The following CACNA1E variants were observed in gnomAD, a reference collection of about 807,000 sequenced individuals.
CACNA1E encodes the protein voltage-dependent R-type calcium channel subunit alpha-1E.
CACNA1E carries 40 observed loss-of-function variants against 259.2 expected under a neutral mutation model. That is an observed-to-expected ratio of 0.15 (90% CI 0.12 to 0.20). The LOEUF is 0.20. Among genes scored for constraint, CACNA1E ranks in the 10% least tolerant of loss-of-function variants. The pLI is 1.00. For missense variants in CACNA1E, 1,874 were observed against 3,040.1 expected (o/e 0.62, Z 9.02); for synonymous variants, 1,104 against 1,138.5 (o/e 0.97, Z 0.61).
At chr1:181,665,765 A>G (rs1371553527) in intron 7 of CACNA1E, among the ~76,000 whole-genome samples, 2 of 152,116 alleles carry the variant, frequency 1.3e-5, no homozygotes. Context: ...ATAAAAACAA[A>G]TGAAAAAAAT....
At chr1:181,553,700 T>G (rs903963812) in intron 3 of CACNA1E, among the ~76,000 whole-genome samples, 1 of 152,016 alleles carries the variant, frequency 6.6e-6, no homozygotes, top group Admixed American at 6.6e-5. Flanking sequence ...TTATTGAGAG[T>G]TTTTAGCATG....
chr1:181,579,273 A>T (rs138014958), intron 5 of CACNA1E, 49 bp downstream of exon 5: 3 of 1,493,618 alleles, frequency 2.0e-6, no homozygotes, highest in Non-Finnish European at 2.7e-6. Context: ...CCCCTCTGTT[A>T]ACTGGGGTAA....
chr1:181,560,552 T>G (rs1649218528), intron 3 of CACNA1E, among the ~76,000 whole-genome samples: 1 of 152,214 alleles, frequency 6.6e-6, no homozygotes, highest in African/African-American at 2.4e-5. Flanking sequence ...TAAAAGGCTG[T>G]GTAATATTCC....
At chr1:181,375,067 A>G (rs1286581681) in intron 1 of CACNA1E, among the ~76,000 whole-genome samples, 1 of 152,218 alleles carries the variant, frequency 6.6e-6, no homozygotes, top group Non-Finnish European at 1.5e-5. Flanking sequence ...ATGTCTTCTC[A>G]GTTATGAAGT....
chr1:181,495,939 T>C (rs1664707528), intron 1 of CACNA1E, among the ~76,000 whole-genome samples: 2 of 152,204 alleles, frequency 1.3e-5, no homozygotes, highest in Admixed American at 6.5e-5. Flanking sequence ...CCTACAGAGA[T>C]AGGCATTCTT....
intron 30 of CACNA1E, 27 bp downstream of exon 30, chr1:181,757,153 A>T: frequency 6.5e-7 from 1 of 1,532,706 alleles, no homozygotes; most frequent in Middle Eastern, 1.7e-4. Context: ...TAAAGTGGGG[A>T]GCAGCAGAGG....
chr1:181,517,930 A>C (rs1666714134), intron 3 of CACNA1E, among the ~76,000 whole-genome samples: 1 of 152,136 alleles, frequency 6.6e-6, no homozygotes, highest in Admixed American at 6.5e-5. Context: ...TCAGGCCCCC[A>C]GCCCAATTTG....
chr1:181,531,334 A>G (rs553869982), intron 3 of CACNA1E, among the ~76,000 whole-genome samples: 1 of 152,238 alleles, frequency 6.6e-6, no homozygotes, highest in South Asian at 2.1e-4. Flanking sequence ...CCCACTTAGC[A>G]CTTATCTGCA....
intron 3 of CACNA1E, among the ~76,000 whole-genome samples, chr1:181,513,097 G>T (rs1666286576): frequency 6.6e-6 from 1 of 152,088 alleles, no homozygotes; most frequent in South Asian, 2.1e-4. Context: ...TCTTGGTCCT[G>T]CTCAGCTCTA....
At chr1:181,482,530 A>G (rs553830657), upstream of CACNA1E, among the ~76,000 whole-genome samples, 1 of 152,338 alleles carries the variant, frequency 6.6e-6, no homozygotes, top group Non-Finnish European at 1.5e-5. Flanking sequence ...ACCTTCCAGG[A>G]ACCTCCAGCC....
chr1:181,765,212 C>A (rs1658918661), intron 34 of CACNA1E, among the ~76,000 whole-genome samples: 1 of 152,100 alleles, frequency 6.6e-6, no homozygotes, highest in Non-Finnish European at 1.5e-5. Context: ...TAGAGTTCTT[C>A]CCTCTTTTCC....
At chr1:181,530,072 G>A (rs1407760977) in intron 3 of CACNA1E, among the ~76,000 whole-genome samples, 2 of 152,198 alleles carry the variant, frequency 1.3e-5, no homozygotes, top group Non-Finnish European at 2.9e-5. Flanking sequence ...CATGTTGTGG[G>A]AGGGACCCAG....
upstream of CACNA1E, among the ~76,000 whole-genome samples, chr1:181,479,343 C>A (rs555494214): frequency 6.6e-6 from 1 of 152,280 alleles, no homozygotes; most frequent in South Asian, 2.1e-4. Flanking sequence ...GTAGATGGTG[C>A]TCTGACAACA....
At chr1:181,583,352 C>T (rs1173643894) in intron 6 of CACNA1E, among the ~76,000 whole-genome samples, 1 of 152,074 alleles carries the variant, frequency 6.6e-6, no homozygotes, top group Non-Finnish European at 1.5e-5. Flanking sequence ...CTGGGAAGGC[C>T]CAGTTCACCC....
intron 6 of CACNA1E, among the ~76,000 whole-genome samples, chr1:181,587,070 C>A (rs186219662): frequency 6.6e-6 from 1 of 152,202 alleles, no homozygotes; most frequent in East Asian, 1.9e-4. Context: ...ATCATCCATT[C>A]ATAGTACTAG....
chr1:181,718,374 T>C (rs1334945435), intron 12 of CACNA1E, among the ~76,000 whole-genome samples: 1 of 152,180 alleles, frequency 6.6e-6, no homozygotes, highest in East Asian at 1.9e-4. Context: ...TGATTTTCAA[T>C]ATTTTTATTA....
intron 6 of CACNA1E, among the ~76,000 whole-genome samples, chr1:181,646,118 G>A (rs1658241529): frequency 6.6e-6 from 1 of 152,212 alleles, no homozygotes; most frequent in African/African-American, 2.4e-5. Context: ...AGAGATGAAT[G>A]GCCTGGCTTT....
chr1:181,736,234 G>A, intron 21 of CACNA1E, 41 bp from the exon 22 acceptor site: 5 of 1,545,386 alleles, frequency 3.2e-6, no homozygotes, highest in Non-Finnish European at 4.4e-6. Flanking sequence ...ATTTTCACAT[G>A]CCTCATGATT....
intron 1 of CACNA1E, among the ~76,000 whole-genome samples, chr1:181,378,658 G>A (rs1417617387): frequency 6.6e-6 from 1 of 152,148 alleles, no homozygotes; most frequent in Non-Finnish European, 1.5e-5. Flanking sequence ...TGCTGGATAG[G>A]ATTAGAGGTA....
Sources: gnomAD v4.1 joint callset for allele counts (sites outside exome capture counted in the v4.1 genomes callset) on GRCh38, gnomAD v4.1.1 for gene constraint, MANE v1.5 for transcripts, NCBI Gene and HGNC (gene_info 2026-07-23, HGNC 2026-07-21) for gene names.